Variants in MPP3 observed in about 807,000 individuals in gnomAD.
The protein encoded by MPP3 is MAGUK p55 scaffold protein 3, also known as MAGUK p55 subfamily member 3.
A neutral mutation model predicts 80.7 loss-of-function variants in MPP3; 48 were observed. That is an observed-to-expected ratio of 0.59 (90% CI 0.47 to 0.76). MPP3 has a LOEUF of 0.76. Among genes scored for constraint, MPP3 ranks in the 30% least tolerant of loss-of-function variants. MPP3 has a pLI of 0.00. For synonymous variants in MPP3, 311 were observed against 297.6 expected (o/e 1.04, Z -0.46); for missense variants, 620 against 763.0 (o/e 0.81, Z 2.21).
At position 43,820,970 on chromosome 17, in the gene MPP3, T is replaced by C; in HGVS notation, c.773A>G (p.Gln258Arg). 6.2e-7 allele frequency: 1 copy of C among 1,613,424 alleles called. No homozygotes were observed. The highest frequency in any genetic ancestry group is 8.5e-7 in the Non-Finnish European group (1 of 1,179,916). The change falls in exon 11 of 20, where the codon CAG becomes CGG. Residue 258 changes from glutamine to arginine, a missense_variant. Gln to Arg is a conservative substitution (Grantham distance 43, BLOSUM62 1). Transcript: ENST00000398389. The part of the protein sequence containing the change: ...QEAGLPFQRR[Q>R]VLEVVSQDDP... ...GTCCTGGCTCACCACCTCCAGGACC[T>C]GCCTGCGCTGGAAGGGCAGGCCCGC...
intron 9 of MPP3, chr17:43,825,466 C>G (rs2045651355): frequency 3.2e-6 from 1 of 316,602 alleles, no homozygotes; most frequent in Admixed American, 4.7e-5. Flanking sequence ...CCAGGATTCA[C>G]ACCCAGGACC....
chr17:43,807,961 A>C (rs888419667), intron 19 of MPP3, among the ~76,000 whole-genome samples: 8 of 152,056 alleles, frequency 5.3e-5, no homozygotes, highest in East Asian at 2.0e-4. Context: ...TCCTGTCCCC[A>C]AAAAAATAAA....
At chr17:43,811,885 G>T (rs1055021864) in intron 16 of MPP3, among the ~76,000 whole-genome samples, 2 of 152,108 alleles carry the variant, frequency 1.3e-5, no homozygotes, top group Non-Finnish European at 2.9e-5. Flanking sequence ...GAGCCACCGC[G>T]CCCAGCATAT....
intron 9 of MPP3, 134 bp downstream of exon 9, chr17:43,825,622 C>A: frequency 1.5e-6 from 1 of 661,356 alleles, no homozygotes. Flanking sequence ...TAGGGGCACA[C>A]CATAAGGCCA....
chr17:43,824,033 C>T (rs747889759), intron 9 of MPP3, 28 bp from the exon 10 acceptor site: 3 of 1,541,512 alleles, frequency 1.9e-6, no homozygotes, highest in Middle Eastern at 1.7e-4. Flanking sequence ...AGAAGCTTCT[C>T]GCCTACCAGG....
At chr17:43,829,513 C>T in intron 7 of MPP3, 141 bp downstream of exon 7, 1 of 950,622 alleles carries the variant, frequency 1.1e-6, no homozygotes, top group Non-Finnish European at 1.5e-6. Flanking sequence ...CACACAGAGG[C>T]ACCACAGGGA....
chr17:43,825,903 G>T lies in MPP3; in HGVS notation c.524-62C>A, dbSNP rs1440132235. On this transcript the variant is annotated intron_variant, in intron 8 of 19. Coordinates refer to ENST00000398389, the MANE Select transcript of MPP3 (RefSeq NM_001932.6). ...AGGACCTGAGCACCCCTCGCTCAGAGCTCCAAGCACCACAGGGGCCGGCCT... is the reference window on the plus strand; with the variant it reads ...AGGACCTGAGCACCCCTCGCTCAGATCTCCAAGCACCACAGGGGCCGGCCT... 1.0e-5 allele frequency: 11 copies of T among 1,066,374 alleles called. No individual in the cohort carries two copies. In the East Asian group the frequency reaches 1.7e-4, roughly 16 times the overall value. 66.1% of individuals were successfully genotyped at this position (1,066,374 alleles called of 1,614,324 possible).
intron 19 of MPP3, among the ~76,000 whole-genome samples, chr17:43,808,068 A>G (rs1247779085): frequency 3.3e-5 from 5 of 152,220 alleles, no homozygotes; most frequent in African/African-American, 1.2e-4. Context: ...CAGCCTGGAC[A>G]ACATAGTGAG....
chr17:43,819,395 A>G (rs1471789357), intron 11 of MPP3, among the ~76,000 whole-genome samples: 1 of 152,268 alleles, frequency 6.6e-6, no homozygotes, highest in Non-Finnish European at 1.5e-5. Context: ...ATAAAAGTGA[A>G]GAATTGGGAA....
intron 19 of MPP3, among the ~76,000 whole-genome samples, chr17:43,805,078 T>A (rs756256117): frequency 1.3e-5 from 2 of 152,078 alleles, no homozygotes; most frequent in Non-Finnish European, 2.9e-5. Flanking sequence ...AAATCATGCA[T>A]CTGACAAGGG....
At chr17:43,827,880 C>T in intron 7 of MPP3, 48 bp from the exon 8 acceptor site, 1 of 1,572,928 alleles carries the variant, frequency 6.4e-7, no homozygotes, top group South Asian at 1.1e-5. Flanking sequence ...AGCTCCAAAC[C>T]TCAGACCCCT....
intron 18 of MPP3, among the ~76,000 whole-genome samples, chr17:43,810,212 T>C (rs1320874634): frequency 2.0e-5 from 3 of 152,170 alleles, no homozygotes; most frequent in Non-Finnish European, 4.4e-5. Flanking sequence ...AATCCCCAGA[T>C]TGAGTTCAAA....
In MPP3 at chr17:43,820,848, T is replaced by C. The variant is rs1274900632; in HGVS notation, c.881+14A>G. The C allele has an allele frequency of 6.2e-7, 1 of 1,613,550 alleles. No individual in the cohort carries two copies. Among genetic ancestry groups the C allele is most frequent in the Non-Finnish European group, 8.5e-7 (1 of 1,179,658 alleles). On this transcript the variant is annotated intron_variant, in intron 11 of 19. Coordinates refer to ENST00000398389, the MANE Select transcript of MPP3 (RefSeq NM_001932.6). The stretch of plus-strand genomic sequence containing the variant: ...ACTCTGGAACCAGCCCTTCACAACA[T>C]ACCCCAGACCCACCTCTCCTGGAAC...
intron 18 of MPP3, 126 bp from the exon 19 acceptor site, chr17:43,809,204 G>A (rs2044742686): frequency 9.8e-7 from 1 of 1,016,698 alleles, no homozygotes; most frequent in Admixed American, 2.8e-5. Context: ...TGGTTACATG[G>A]GTCCCATGAC....
At chr17:43,827,719 G>C in intron 8 of MPP3, 32 bp downstream of exon 8, 5 of 1,603,594 alleles carry the variant, frequency 3.1e-6, no homozygotes, top group Non-Finnish European at 4.2e-6. Context: ...CCATGATCGG[G>C]GCTGGGCCAG....
intron 19 of MPP3, among the ~76,000 whole-genome samples, chr17:43,807,837 G>A (rs1346896903): frequency 6.6e-6 from 1 of 151,930 alleles, no homozygotes; most frequent in Admixed American, 6.6e-5. Context: ...GTACATGCCT[G>A]TAGTCTCAGC....
chr17:43,821,451 C>T lies in MPP3; in HGVS notation c.685-393G>A, dbSNP rs141187599. ...AGTGTTATTTTTGATACGCCAACTG[C>T]GCTGACGGAAGGCAGCAGCCATCTG... On this transcript the variant is annotated intron_variant, in intron 10 of 19. Transcript: ENST00000398389. Among the ~76,000 whole-genome samples the T allele has an allele frequency of 2.3e-4, 35 of 152,336 alleles. No homozygotes were observed. In the East Asian group the frequency reaches 2.3e-3, roughly 10 times the overall value.
chr17:43,812,979 C>T (rs1339208301), intron 16 of MPP3, among the ~76,000 whole-genome samples: 1 of 152,122 alleles, frequency 6.6e-6, no homozygotes, highest in Admixed American at 6.5e-5. Flanking sequence ...GCCCAGGGGC[C>T]CAGGGAGAGC....
At chr17:43,826,816 TTA>T (rs1200545879) in intron 8 of MPP3, among the ~76,000 whole-genome samples, 22 of 139,742 alleles carry the variant, frequency 1.6e-4, no homozygotes, top group East Asian at 7.9e-4. Flanking sequence ...CCATGACTAT[TTA>T]TATATATATA....
Sources: gnomAD v4.1 joint callset for allele counts (sites outside exome capture counted in the v4.1 genomes callset) on GRCh38, gnomAD v4.1.1 for gene constraint, MANE v1.5 for transcripts, NCBI Gene and HGNC (gene_info 2026-07-23, HGNC 2026-07-21) for gene names.